NCAM2: variants seen among roughly 807,000 people sequenced by gnomAD.
NCAM2 encodes N-CAM-2.
A neutral mutation model predicts 98.1 loss-of-function variants in NCAM2; 30 were observed. The observed-to-expected ratio is 0.31, with a 90% CI of 0.23 to 0.41. The LOEUF (loss-of-function observed/expected upper bound fraction) is 0.41, where lower values mean the gene tolerates loss of function less well. Among genes scored for constraint, NCAM2 ranks in the 10% least tolerant of loss-of-function variants. The pLI is 1.00. For missense variants in NCAM2, 867 were observed against 1,005.8 expected, an observed-to-expected ratio of 0.86 and a Z score of 1.87; for synonymous variants, 368 against 342.4, an observed-to-expected ratio of 1.07 and a Z score of -0.83.
At chr21:21,154,512 T>C (rs577712213) in intron 1 of NCAM2, among the ~76,000 whole-genome samples, 1 of 152,000 alleles carries the variant, frequency 6.6e-6, no homozygotes, top group East Asian at 1.9e-4. Flanking sequence ...AATGATATGG[T>C]ATCTCATATT....
chr21:21,017,723 T>C (rs1156971307), intron 1 of NCAM2, among the ~76,000 whole-genome samples: 2 of 152,078 alleles, frequency 1.3e-5, no homozygotes, highest in Non-Finnish European at 2.9e-5. Context: ...CATAATTTCT[T>C]TTTAGGATAG....
chr21:21,447,170 G>T (rs1396044364), intron 12 of NCAM2, among the ~76,000 whole-genome samples: 1 of 151,894 alleles, frequency 6.6e-6, no homozygotes, highest in Non-Finnish European at 1.5e-5. Context: ...GGCCACAGTA[G>T]CAAAAACAGC....
intron 5 of NCAM2, among the ~76,000 whole-genome samples, chr21:21,307,314 T>C (rs2073913985): frequency 6.6e-6 from 1 of 152,188 alleles, no homozygotes. Context: ...TTTTTTCAAA[T>C]GCTGTTGCAC....
rs1555882202 is a variant in NCAM2 at position 21,082,225 on chromosome 21, T to TTTAAAAAAAAA, written c.55+83607_55+83608insTTAAAAAAAAA. On this transcript the variant is annotated intron_variant, in intron 1 of 17. Transcript: ENST00000400546. Reference sequence around the variant, plus strand: ...CCTGGGCGACAGAGTGAGAATCCTTTAAAAAAAAAAAAAAAAAAGAATTCT... The same window carrying TTTAAAAAAAAA: ...CCTGGGCGACAGAGTGAGAATCCTTTTTAAAAAAAAAAAAAAAAAAAAAAAAAAAGAATTCT... 4.2e-4 allele frequency among the ~76,000 whole-genome samples: 35 copies of TTTAAAAAAAAA among 82,912 alleles called. 1 individual carries two copies. The highest frequency in any genetic ancestry group is 1.5e-3 in the African/African-American group (35 of 22,596). The allele number at this position is 82,912 out of a possible 152,430, so 54.4% of individuals were successfully genotyped here.
At chr21:21,007,582 G>A (rs941833126) in intron 1 of NCAM2, among the ~76,000 whole-genome samples, 1 of 152,096 alleles carries the variant, frequency 6.6e-6, no homozygotes, top group African/African-American at 2.4e-5. Context: ...CTCCTTTTTA[G>A]ATGATATAAG....
chr21:21,280,561 T>C lies in NCAM2; in HGVS notation c.56-17T>C, dbSNP rs2072892628. Reference sequence around the variant, plus strand: ...CGCTTAAAAATCACCATTAATTGTTTCCCAATTTTTTTTCAGCTCTTCTTC... The same window carrying C: ...CGCTTAAAAATCACCATTAATTGTTCCCCAATTTTTTTTCAGCTCTTCTTC... On this transcript the variant is annotated splice_polypyrimidine_tract_variant and intron_variant, in intron 1 of 17. Coordinates refer to ENST00000400546, the MANE Select transcript of NCAM2 (RefSeq NM_004540.5). 3.2e-6 allele frequency: 5 copies of C among 1,558,676 alleles called. No individual in the cohort carries two copies. In the South Asian group the frequency reaches 5.8e-5, roughly 18 times the overall value.
intron 1 of NCAM2, among the ~76,000 whole-genome samples, chr21:21,067,175 T>C (rs974578067): frequency 1.4e-5 from 2 of 148,082 alleles, no homozygotes; most frequent in Non-Finnish European, 3.0e-5. Context: ...TATTACACAG[T>C]AAATTTAAAG....
intron 15 of NCAM2, among the ~76,000 whole-genome samples, chr21:21,479,583 CAAAAAAAAAAA>C (rs1156588500): frequency 3.2e-5 from 1 of 30,968 alleles, no homozygotes; most frequent in South Asian, 1.3e-3. Flanking sequence ...GACTGCGTCT[CAAAAAAAAAAA>C]AAAAAAAAAA....
At chr21:21,104,421 G>C (rs1443656699) in intron 1 of NCAM2, among the ~76,000 whole-genome samples, 1 of 152,080 alleles carries the variant, frequency 6.6e-6, no homozygotes, top group Non-Finnish European at 1.5e-5. Context: ...CATGGATAGA[G>C]ATGCTAACAC....
In NCAM2 at chr21:21,535,609, A is replaced by T. The variant is rs187273229; in HGVS notation, c.2402+953A>T. Among the ~76,000 whole-genome samples the T allele has an allele frequency of 8.1e-3, 1,235 of 152,166 alleles. 10 individuals are homozygous for T. Among genetic ancestry groups the T allele is most frequent in the Non-Finnish European group, 0.012 (814 of 67,924 alleles). On this transcript the variant is annotated intron_variant, in intron 17 of 17. Coordinates refer to ENST00000400546, the MANE Select transcript of NCAM2 (RefSeq NM_004540.5). ...GCAAAGTACTACTCTATAGAAAAAA[A>T]TTTAATATAAATCCTCGGGCCAATT...
chr21:21,233,896 T>TG (rs1394610865), intron 1 of NCAM2, among the ~76,000 whole-genome samples: 1 of 151,822 alleles, frequency 6.6e-6, no homozygotes, highest in Non-Finnish European at 1.5e-5. Context: ...TTATATACCA[T>TG]TATCAATAGA....
chr21:21,489,828 A>G (rs1451791438), intron 15 of NCAM2, among the ~76,000 whole-genome samples: 2 of 152,088 alleles, frequency 1.3e-5, no homozygotes, highest in Non-Finnish European at 2.9e-5. Context: ...AAAGAAAAAA[A>G]TTAACACTTA....
chr21:21,038,491 TA>T (rs2064841603), intron 1 of NCAM2, among the ~76,000 whole-genome samples: 1 of 152,140 alleles, frequency 6.6e-6, no homozygotes, highest in African/African-American at 2.4e-5. Flanking sequence ...TGGGGGCAGT[TA>T]CCCTCATGCT....
At chr21:21,214,818 A>G (rs1304388510) in intron 1 of NCAM2, among the ~76,000 whole-genome samples, 1 of 147,648 alleles carries the variant, frequency 6.8e-6, no homozygotes, top group African/African-American at 2.5e-5. Flanking sequence ...TGTGTATCGA[A>G]TATATGTATA....
intron 1 of NCAM2, among the ~76,000 whole-genome samples, chr21:21,163,572 C>G (rs555999709): frequency 6.6e-6 from 1 of 152,204 alleles, no homozygotes; most frequent in Admixed American, 6.5e-5. Flanking sequence ...ATATAACGTA[C>G]ATGAATTAAG....
Position 21,268,807 on chromosome 21 carries a change from T to A in NCAM2, c.56-11771T>A, listed in dbSNP as rs1255264907. On this transcript the variant is annotated intron_variant, in intron 1 of 17. Transcript: ENST00000400546. ...AAGGTACCGAATTTGCCCCTTCACT[T>A]AAATTCTTTAGCAGCATCAACAAAA... Among the ~76,000 whole-genome samples the A allele has an allele frequency of 2.6e-5, 4 of 152,172 alleles. No homozygotes were observed. The East Asian group carries it at 7.7e-4, about 29-fold the overall frequency.
chr21:21,203,321 T>C (rs1053720391), intron 1 of NCAM2, among the ~76,000 whole-genome samples: 1 of 152,218 alleles, frequency 6.6e-6, no homozygotes, highest in Non-Finnish European at 1.5e-5. Context: ...TTATTATTCA[T>C]TTATGCTCAC....
At chr21:21,265,106 A>G (rs1393446478) in intron 1 of NCAM2, among the ~76,000 whole-genome samples, 10 of 32,376 alleles carry the variant, frequency 3.1e-4, no homozygotes, top group South Asian at 1.2e-3. Context: ...TACATATATA[A>G]TATATATACA....
At chr21:21,297,065 G>A (rs1294774492) in intron 5 of NCAM2, among the ~76,000 whole-genome samples, 1 of 151,690 alleles carries the variant, frequency 6.6e-6, no homozygotes, top group Non-Finnish European at 1.5e-5. Context: ...AAGGTTTTTG[G>A]ACTTAGCTAT....
Sources: allele counts gnomAD v4.1 joint callset (sites outside exome capture counted in the v4.1 genomes callset), GRCh38; gene constraint gnomAD v4.1.1; transcripts MANE v1.5; gene names NCBI Gene and HGNC (gene_info 2026-07-23, HGNC 2026-07-21).